The following ROBO1 variants were observed in gnomAD, a reference collection of about 807,000 sequenced individuals.
The protein encoded by ROBO1 is roundabout guidance receptor 1.
In ROBO1, 149 loss-of-function variants were observed where a neutral mutation model predicts 195.9. The ratio of observed to expected loss-of-function variants is 0.76; its 90% CI spans 0.67 to 0.87. The LOEUF is 0.87. ROBO1 is among the 40% of genes least tolerant of loss of function. The probability of loss-of-function intolerance (pLI) is 0.00; values close to 1 mark genes in which losing one functional copy is unlikely to be tolerated. For synonymous variants in ROBO1, 816 were observed against 733.2 expected, an observed-to-expected ratio of 1.11 and a Z score of -1.82; for missense variants, 1,933 against 2,068.3, an observed-to-expected ratio of 0.93 and a Z score of 1.27.
rs1202738976 is a variant in ROBO1, at chr3:78,757,427, G to A, written c.500-10527C>T. Among the ~76,000 whole-genome samples the A allele has an allele frequency of 1.5e-4, 10 of 66,104 alleles. No homozygotes were observed. The South Asian group carries it at 3.1e-3, about 21-fold the overall frequency. The allele number at this position is 66,104 out of a possible 152,430, so 43.4% of individuals were successfully genotyped here. A position where few individuals can be genotyped will look rare whatever the true frequency, so the allele number is the denominator to read the frequency against. Reference sequence around the variant, plus strand: ...TATTTTCTGGGAAACAAAGGCATGCGCACATGCACACACACACACACACAC... The same window carrying A: ...TATTTTCTGGGAAACAAAGGCATGCACACATGCACACACACACACACACAC... On this transcript the variant is annotated intron_variant, in intron 4 of 30. Transcript: ENST00000464233.
chr3:79,549,108 A>C (rs1432662265), intron 2 of ROBO1, among the ~76,000 whole-genome samples: 2 of 152,142 alleles, frequency 1.3e-5, no homozygotes, highest in Non-Finnish European at 2.9e-5. Context: ...GGTCTATCAA[A>C]ATGTTTGAAG....
intron 2 of ROBO1, among the ~76,000 whole-genome samples, chr3:79,267,893 A>T (rs2030132477): frequency 6.6e-6 from 1 of 151,648 alleles, no homozygotes; most frequent in Admixed American, 6.6e-5. Context: ...GAACACCAGA[A>T]TTAGCAAACA....
intron 2 of ROBO1, among the ~76,000 whole-genome samples, chr3:79,268,303 C>T (rs972665017): frequency 4.6e-5 from 7 of 151,642 alleles, no homozygotes; most frequent in Non-Finnish European, 1.0e-4. Context: ...CTTACTACAA[C>T]ATCAAACCTT....
chr3:79,339,863 CT>C (rs2034833779), intron 2 of ROBO1, among the ~76,000 whole-genome samples: 2 of 152,248 alleles, frequency 1.3e-5, no homozygotes, highest in Admixed American at 1.3e-4. Context: ...AACAATTTAT[CT>C]TGATTACTAT....
intron 29 of ROBO1, 75 bp from the exon 30 acceptor site, chr3:78,600,384 A>G (rs1040211524): frequency 6.3e-6 from 6 of 949,198 alleles, no homozygotes; most frequent in South Asian, 4.5e-5. Context: ...ACTCCTGTCT[A>G]TCTGTAATTC....
intron 3 of ROBO1, among the ~76,000 whole-genome samples, chr3:79,039,252 T>A (rs1357649677): frequency 6.6e-6 from 1 of 152,226 alleles, no homozygotes; most frequent in East Asian, 1.9e-4. Context: ...TTTATTTCTT[T>A]CTTTTTATTT....
chr3:79,427,138 C>A (rs79899978), intron 2 of ROBO1, among the ~76,000 whole-genome samples: 188 of 152,232 alleles, frequency 1.2e-3, no homozygotes, highest in African/African-American at 4.4e-3. Flanking sequence ...AAATTTAGAT[C>A]TTTTACATTC....
chr3:79,436,859 T>C (rs1327803504), intron 2 of ROBO1, among the ~76,000 whole-genome samples: 20 of 152,008 alleles, frequency 1.3e-4, no homozygotes, highest in Admixed American at 1.3e-3. Context: ...TTACAGAAAT[T>C]AGCTTTAAAA....
At chr3:79,442,069 T>C (rs1020481346) in intron 2 of ROBO1, among the ~76,000 whole-genome samples, 2 of 152,182 alleles carry the variant, frequency 1.3e-5, no homozygotes, top group African/African-American at 4.8e-5. Flanking sequence ...TCTCGGCTCC[T>C]CAATTCTTAT....
In ROBO1 at chr3:79,641,925, G is replaced by A. The variant is rs1300661410; in HGVS notation, c.-50-51964C>T. ...TCCCAGCTATTCAGGAGGTTGAGCT[G>A]GGAGGATTACTTGAGCCCAGGAGGT... On this transcript the variant is annotated intron_variant, in intron 1 of 30. Coordinates refer to ENST00000464233, the MANE Select transcript of ROBO1 (RefSeq NM_002941.4). Among the ~76,000 whole-genome samples the A allele has an allele frequency of 2.0e-5, 3 of 152,190 alleles. No individual in the cohort carries two copies. In the East Asian group the frequency reaches 5.8e-4, roughly 30 times the overall value.
intron 2 of ROBO1, among the ~76,000 whole-genome samples, chr3:79,479,482 G>A (rs1938721663): frequency 6.6e-6 from 1 of 152,082 alleles, no homozygotes; most frequent in African/African-American, 2.4e-5. Context: ...TTCCTAACAG[G>A]CCACGGACCT....
chr3:79,021,780 C>A (rs1156528925), intron 3 of ROBO1, among the ~76,000 whole-genome samples: 1 of 151,814 alleles, frequency 6.6e-6, no homozygotes, highest in African/African-American at 2.4e-5. Flanking sequence ...CCTGCCTCAG[C>A]CTCCCAAGTA....
At chr3:79,403,885 T>C (rs2037454009) in intron 2 of ROBO1, among the ~76,000 whole-genome samples, 1 of 152,026 alleles carries the variant, frequency 6.6e-6, no homozygotes, top group African/African-American at 2.4e-5. Context: ...TTTGGAGCCA[T>C]CTCTCTGTGG....
intron 4 of ROBO1, among the ~76,000 whole-genome samples, chr3:78,902,907 CA>C (rs2037672963): frequency 6.6e-6 from 1 of 151,952 alleles, no homozygotes; most frequent in African/African-American, 2.4e-5. Flanking sequence ...TGGTACTGTC[CA>C]AAAATTCCAA....
intron 4 of ROBO1, among the ~76,000 whole-genome samples, chr3:78,819,460 A>AAC (rs1553739465): frequency 3.3e-5 from 5 of 150,122 alleles, no homozygotes; most frequent in African/African-American, 1.2e-4. Flanking sequence ...AAAAAAAAAC[A>AAC]AAACCTTTTT....
At chr3:79,364,720 C>A (rs1400129457) in intron 2 of ROBO1, among the ~76,000 whole-genome samples, 1 of 152,050 alleles carries the variant, frequency 6.6e-6, no homozygotes, top group Non-Finnish European at 1.5e-5. Context: ...TAATAAAGTA[C>A]TTTTATTATC....
intron 3 of ROBO1, among the ~76,000 whole-genome samples, chr3:79,109,736 G>C (rs908839574): frequency 6.6e-6 from 1 of 152,084 alleles, no homozygotes; most frequent in Non-Finnish European, 1.5e-5. Flanking sequence ...GGAGGCTACT[G>C]AGACGTCAAT....
chr3:79,695,974 AT>A (rs1425164458), intron 1 of ROBO1, among the ~76,000 whole-genome samples: 1 of 151,320 alleles, frequency 6.6e-6, no homozygotes, highest in Non-Finnish European at 1.5e-5. Flanking sequence ...GAATAGCATC[AT>A]TTTTCCCTTG....
At chr3:79,394,986 G>C (rs1009598652) in intron 2 of ROBO1, among the ~76,000 whole-genome samples, 2 of 151,948 alleles carry the variant, frequency 1.3e-5, no homozygotes, top group Non-Finnish European at 2.9e-5. Context: ...AGAACTTATG[G>C]AGTCTAGATC....
Sources: allele counts gnomAD v4.1 joint callset (sites outside exome capture counted in the v4.1 genomes callset), GRCh38; gene constraint gnomAD v4.1.1; transcripts MANE v1.5; gene names NCBI Gene and HGNC (gene_info 2026-07-23, HGNC 2026-07-21).